MRS2: variants seen among roughly 807,000 people sequenced by gnomAD.
The protein encoded by MRS2 is magnesium transporter MRS2, also known as magnesium transporter MRS2 homolog, mitochondrial.
MRS2 carries 40 observed loss-of-function variants against 52.6 expected under a neutral mutation model. The observed-to-expected ratio is 0.76, with a 90% CI of 0.59 to 0.99. MRS2 has a LOEUF of 0.99. Among genes scored for constraint, MRS2 ranks in the 50% least tolerant of loss-of-function variants. MRS2 has a pLI of 0.00. For synonymous variants in MRS2, 193 were observed against 195.9 expected (o/e 0.98, Z 0.13); for missense variants, 472 against 532.7 (o/e 0.89, Z 1.12).
At position 24,423,752 on chromosome 6, in the gene MRS2, C is replaced by T. The variant is rs546743928; in HGVS notation, c.*58C>T. On this transcript the variant is annotated 3_prime_UTR_variant, in exon 11 of 11. Transcript: ENST00000378386. Reference sequence around the variant, plus strand: ...TGGTAGTTACAGGAAACTTCTGATACTCTTTTTATTATTTTCTTGTATAGA... The same window carrying T: ...TGGTAGTTACAGGAAACTTCTGATATTCTTTTTATTATTTTCTTGTATAGA... The T allele has an allele frequency of 5.2e-5, 40 of 768,632 alleles. No homozygotes were observed. The highest frequency in any genetic ancestry group is 1.8e-4 in the South Asian group (9 of 49,244). 47.6% of individuals were successfully genotyped at this position (768,632 alleles called of 1,614,324 possible). A position where few individuals can be genotyped will look rare whatever the true frequency, so the allele number is the denominator to read the frequency against.
Position 24,403,150 on chromosome 6 carries a change from C to T in MRS2, c.104C>T (p.Pro35Leu). Reference protein sequence around the residue: ...LALDVTSVGPPVAACGRRANL... With the variant: ...LALDVTSVGPLVAACGRRANL... ...TTGGACGTGACCTCTGTGGGTCCTC[C>T]CGTTGCTGCCTGCGGCCGCCGAGCC... Residue 35 changes from proline to leucine, a missense_variant, in exon 1 of 11, where the codon CCC becomes CTC. Coordinates refer to ENST00000378386, the MANE Select transcript of MRS2 (RefSeq NM_020662.4). 3.7e-6 allele frequency: 6 copies of T among 1,610,722 alleles called. No individual in the cohort carries two copies. The highest frequency in any genetic ancestry group is 5.1e-6 in the Non-Finnish European group (6 of 1,179,914).
chr6:24,403,228 G>A lies in MRS2; in HGVS notation c.182G>A (p.Arg61His). 3.8e-6 allele frequency: 6 copies of A among 1,595,276 alleles called. No individual in the cohort carries two copies. Among genetic ancestry groups the A allele is most frequent in the Non-Finnish European group, 5.1e-6 (6 of 1,177,596 alleles). ...AAQLCGPDRL[R>H]VAGEVHRFRT... The stretch of plus-strand genomic sequence containing the variant: ...CAGCTTTGCGGGCCCGACCGGCTCC[G>A]CGTGGCAGGTACTGCCCTTCCCCGG... Residue 61 changes from arginine to histidine, a missense_variant, in exon 1 of 11, where the codon CGC becomes CAC. By Grantham distance (29) the Arg-to-His change is conservative. Coordinates refer to ENST00000378386, the MANE Select transcript of MRS2 (RefSeq NM_020662.4).
At position 24,418,147 on chromosome 6, in the gene MRS2, C is replaced by G; in HGVS notation, c.900C>G (p.Tyr300Ter). 1.2e-6 allele frequency: 2 copies of G among 1,613,636 alleles called. No individual in the cohort carries two copies. Among genetic ancestry groups the G allele is most frequent in the African/African-American group, 1.3e-5 (1 of 75,004 alleles). Residue 300 changes from tyrosine (Y) to a stop codon, truncating the protein, a stop_gained, in exon 8 of 11, where the codon TAC becomes TAG. Coordinates refer to ENST00000378386, the MANE Select transcript of MRS2 (RefSeq NM_020662.4). LOFTEE classifies it high-confidence loss of function. ...EEMELLLENY[Y>*]RLADDLSNAA... ...TGGAGTTGCTGTTGGAAAACTACTA[C>G]CGATTGGCTGACGATCTCTCCAATG... is the stretch of plus-strand genomic sequence containing the variant.
intron 5 of MRS2, 139 bp downstream of exon 5, chr6:24,412,534 C>A: frequency 1.9e-6 from 1 of 538,228 alleles, no homozygotes; most frequent in Non-Finnish European, 3.2e-6. Flanking sequence ...TCTAAGGATC[C>A]TACATGGAGA....
chr6:24,422,481 CGG>C (rs1204787700), intron 9 of MRS2, among the ~76,000 whole-genome samples: 31 of 152,076 alleles, frequency 2.0e-4, no homozygotes, highest in African/African-American at 7.2e-4. Flanking sequence ...TTCACAGTAT[CGG>C]AAGACAAAAA....
Position 24,424,545 on chromosome 6 carries a change from G to T in MRS2, c.*851G>T, listed in dbSNP as rs1390375196. The stretch of plus-strand genomic sequence containing the variant: ...TCCTAAAACATGAGGATGAATAAAT[G>T]TTAGAACTGTGATATCTTCTCATTT... On this transcript the variant is annotated 3_prime_UTR_variant, in exon 11 of 11. Transcript: ENST00000378386. 6.6e-6 allele frequency: 1 copy of T among 152,184 alleles called. No individual in the cohort carries two copies. The highest frequency in any genetic ancestry group is 1.5e-5 in the Non-Finnish European group (1 of 68,044). 9.4% of individuals were successfully genotyped at this position (152,184 alleles called of 1,614,324 possible).
chr6:24,407,191 A>G lies in MRS2; in HGVS notation c.265-1217A>G, dbSNP rs1456886837. Among the ~76,000 whole-genome samples, 8 of 131,398 alleles carry G rather than the reference A, an allele frequency of 6.1e-5. No individual in the cohort carries two copies. The East Asian group carries it at 1.6e-3, about 27-fold the overall frequency. 86.2% of individuals were successfully genotyped at this position (131,398 alleles called of 152,430 possible). A position where few individuals can be genotyped will look rare whatever the true frequency, so the allele number is the denominator to read the frequency against. On this transcript the variant is annotated intron_variant, in intron 2 of 10. Coordinates refer to ENST00000378386, the MANE Select transcript of MRS2 (RefSeq NM_020662.4). The stretch of plus-strand genomic sequence containing the variant: ...CAGGTGATTAATATAGTTTTATGTT[A>G]CGTATATTTATTTTCAAATTTTCTG...
chr6:24,418,633 T>A, intron 9 of MRS2, 55 bp downstream of exon 9: 2 of 1,343,242 alleles, frequency 1.5e-6, no homozygotes, highest in East Asian at 2.3e-5. Flanking sequence ...GCATGGTGGC[T>A]CATGTCAGTA....
At chr6:24,416,351 T>TGTTCAG in intron 6 of MRS2, 46 bp from the exon 7 acceptor site, 1 of 801,204 alleles carries the variant, frequency 1.2e-6, no homozygotes, top group Non-Finnish European at 2.1e-6. Flanking sequence ...GAAATGTTCT[T>TGTTCAG]ATAAGTTTAT....
At chr6:24,413,858 G>GT (rs1401437034) in intron 5 of MRS2, among the ~76,000 whole-genome samples, 29 of 152,210 alleles carry the variant, frequency 1.9e-4, no homozygotes, top group South Asian at 4.1e-4. Context: ...GCATGGAAGT[G>GT]TTTCAGTATT....
At position 24,409,510 on chromosome 6, in the gene MRS2, T is replaced by G. The variant is rs754297708; in HGVS notation, c.351T>G (p.Asp117Glu). 6.2e-7 allele frequency: 1 copy of G among 1,612,078 alleles called. No homozygotes were observed. Among genetic ancestry groups the G allele is most frequent in the South Asian group, 1.1e-5 (1 of 90,704 alleles). ...LYQELGLQARDLRFQHVMSIT... is the reference protein window; with the variant it reads ...LYQELGLQARELRFQHVMSIT... ...AAGAGTTAGGTCTTCAAGCCAGAGATTTGAGATTTCAGCATGTAATGAGTA... is the reference window on the plus strand; with the variant it reads ...AAGAGTTAGGTCTTCAAGCCAGAGAGTTGAGATTTCAGCATGTAATGAGTA... The change falls in exon 4 of 11, where the codon GAT becomes GAG. Residue 117 changes from aspartate to glutamate, a missense_variant. Physicochemically the swap from Asp to Glu is conservative, Grantham distance 45 (BLOSUM62 2). Coordinates refer to ENST00000378386, the MANE Select transcript of MRS2 (RefSeq NM_020662.4).
chr6:24,403,156 C>G lies in MRS2; in HGVS notation c.110C>G (p.Ala37Gly), dbSNP rs376877403. Reference sequence around the variant, plus strand: ...GTGACCTCTGTGGGTCCTCCCGTTGCTGCCTGCGGCCGCCGAGCCAACCTG... The same window carrying G: ...GTGACCTCTGTGGGTCCTCCCGTTGGTGCCTGCGGCCGCCGAGCCAACCTG... ...LDVTSVGPPV[A>G]ACGRRANLIG... Residue 37 changes from alanine (A) to glycine (G), a missense_variant, in exon 1 of 11, where the codon GCT becomes GGT. Transcript: ENST00000378386. 2.9e-5 allele frequency: 47 copies of G among 1,609,892 alleles called. No individual in the cohort carries two copies. Among genetic ancestry groups the G allele is most frequent in the Non-Finnish European group, 3.8e-5 (45 of 1,179,908 alleles).
At chr6:24,416,924 T>C (rs749483605) in intron 7 of MRS2, among the ~76,000 whole-genome samples, 32 of 152,240 alleles carry the variant, frequency 2.1e-4, no homozygotes, top group Non-Finnish European at 4.3e-4. Flanking sequence ...AAAATGTTAA[T>C]CTTATAAACC....
Position 24,423,833 on chromosome 6 carries a change from A to G in MRS2, c.*139A>G, listed in dbSNP as rs1035364173. 2.3e-6 allele frequency: 1 copy of G among 441,558 alleles called. No homozygotes were observed. The highest frequency in any genetic ancestry group is 4.1e-6 in the Non-Finnish European group (1 of 243,288). The allele number at this position is 441,558 out of a possible 1,614,324, so 27.4% of individuals were successfully genotyped here. On this transcript the variant is annotated 3_prime_UTR_variant, in exon 11 of 11. Coordinates refer to ENST00000378386, the MANE Select transcript of MRS2 (RefSeq NM_020662.4). The stretch of plus-strand genomic sequence containing the variant: ...AGACAAAAATATTTTGGCAGTCACA[A>G]TACCAGAACTGGATTGCATTTCCAG...
chr6:24,422,702 AAGC>A (rs2127298740), intron 9 of MRS2, among the ~76,000 whole-genome samples: 1 of 152,348 alleles, frequency 6.6e-6, no homozygotes, highest in East Asian at 1.9e-4. Flanking sequence ...CACAAAGTAA[AAGC>A]AGTACATTTG....
chr6:24,411,861 T>C (rs1368248257), intron 4 of MRS2, among the ~76,000 whole-genome samples: 1 of 151,340 alleles, frequency 6.6e-6, no homozygotes, highest in Non-Finnish European at 1.5e-5. Context: ...TTTGGTGTTT[T>C]TTTTTTTGTT....
rs756723720 is a variant in MRS2, at chr6:24,418,252, A to T, written c.989+16A>T. On this transcript the variant is annotated intron_variant, in intron 8 of 10. Coordinates refer to ENST00000378386, the MANE Select transcript of MRS2 (RefSeq NM_020662.4). ...ATCTGGACAGGTAAGAAAGCATTAT[A>T]TAAAACTAAGTTTTTTTAATAAAAT... 37 of 1,551,644 alleles carry T rather than the reference A, an allele frequency of 2.4e-5. No homozygotes were observed. The highest frequency in any genetic ancestry group is 4.2e-5 in the African/African-American group (3 of 71,900).
chr6:24,416,674 T>C (rs1761863155), intron 7 of MRS2, among the ~76,000 whole-genome samples, 161 bp downstream of exon 7: 2 of 152,228 alleles, frequency 1.3e-5, no homozygotes, highest in South Asian at 2.1e-4. Context: ...CAGTATCGTA[T>C]CTAATTCAAT....
chr6:24,405,026 A>G, intron 1 of MRS2, 142 bp from the exon 2 acceptor site: 1 of 565,874 alleles, frequency 1.8e-6, no homozygotes, highest in Non-Finnish European at 3.1e-6. Context: ...AATTAAGAAG[A>G]GTATTTCTTC....
Sources: allele counts gnomAD v4.1 joint callset (sites outside exome capture counted in the v4.1 genomes callset), GRCh38; gene constraint gnomAD v4.1.1; transcripts MANE v1.5; gene names NCBI Gene and HGNC (gene_info 2026-07-23, HGNC 2026-07-21).